Variants in PCNX2 observed in about 807,000 individuals in gnomAD.
PCNX2 encodes pecanex-like protein 2.
A neutral mutation model predicts 223.8 loss-of-function variants in PCNX2; 168 were observed. The observed-to-expected ratio is 0.75, with a 90% CI of 0.66 to 0.85. The LOEUF (loss-of-function observed/expected upper bound fraction) is 0.85, where lower values mean the gene tolerates loss of function less well. Ranked by LOEUF, PCNX2 falls within the 40% of genes least tolerant of loss-of-function variation. The pLI, the probability that PCNX2 is intolerant of heterozygous loss-of-function variation, is 0.00. For missense variants in PCNX2, 2,507 were observed against 2,675.5 expected (o/e 0.94, Z 1.39); for synonymous variants, 1,006 against 1,052.6 (o/e 0.96, Z 0.86).
intron 17 of PCNX2, among the ~76,000 whole-genome samples, chr1:233,170,545 C>A (rs907271397): frequency 6.6e-6 from 1 of 152,088 alleles, no homozygotes; most frequent in African/African-American, 2.4e-5. Flanking sequence ...ACACTAGTCT[C>A]TTTTCTGTAA....
In PCNX2 at chr1:232,984,059, C is replaced by CT. The variant is rs534086105; in HGVS notation, c.*244dup. On this transcript the variant is annotated 3_prime_UTR_variant, in exon 34 of 34. Transcript: ENST00000258229. ...GAGGTGTGGTGTGGCTTCTTTGTTG[C>CT]TTTTTTTTGTTTCCCCATCATGTGA... 7.3e-4 allele frequency: 258 copies of CT among 353,984 alleles called. 3 individuals are homozygous for CT. The South Asian group carries it at 0.011, about 15-fold the overall frequency. 21.9% of individuals were successfully genotyped at this position (353,984 alleles called of 1,614,324 possible). A position where few individuals can be genotyped will look rare whatever the true frequency, so the allele number is the denominator to read the frequency against.
At chr1:233,100,821 C>T (rs577426468) in intron 21 of PCNX2, among the ~76,000 whole-genome samples, 4 of 152,332 alleles carry the variant, frequency 2.6e-5, no homozygotes, top group African/African-American at 9.6e-5. Context: ...CACTCATCAC[C>T]TTTTCGCCTA....
chr1:233,201,227 A>G (rs1681094800), intron 13 of PCNX2, among the ~76,000 whole-genome samples: 1 of 151,922 alleles, frequency 6.6e-6, no homozygotes, highest in African/African-American at 2.4e-5. Context: ...ATCTATAATA[A>G]TAGGGGCTGT....
intron 17 of PCNX2, among the ~76,000 whole-genome samples, chr1:233,161,818 G>A (rs998253889): frequency 5.9e-5 from 9 of 151,966 alleles, no homozygotes; most frequent in Non-Finnish European, 1.3e-4. Context: ...GGGTGTCTTG[G>A]ATTTTAACAT....
intron 17 of PCNX2, chr1:233,167,619 A>T: frequency 1.7e-6 from 1 of 572,492 alleles, no homozygotes; most frequent in Non-Finnish European, 2.2e-6. Context: ...ATGTTAACTT[A>T]CTTCACTATA....
At chr1:233,117,683 C>G (rs976215132) in intron 21 of PCNX2, among the ~76,000 whole-genome samples, 6 of 150,176 alleles carry the variant, frequency 4.0e-5, no homozygotes. Context: ...AAATTCTTAA[C>G]AAGATATTAA....
intron 17 of PCNX2, among the ~76,000 whole-genome samples, chr1:233,175,393 C>T (rs12035465): frequency 0.078 from 11,947 of 152,236 alleles, 682 homozygotes; most frequent in East Asian, 0.31. Flanking sequence ...TCTAATTATA[C>T]CAATGAAATA....
chr1:233,071,915 T>C (rs896566576), intron 23 of PCNX2, among the ~76,000 whole-genome samples: 3 of 152,252 alleles, frequency 2.0e-5, no homozygotes, highest in African/African-American at 7.2e-5. Context: ...AGCATTTCTT[T>C]TATCATACGC....
intron 22 of PCNX2, among the ~76,000 whole-genome samples, chr1:233,094,014 G>A (rs997054968): frequency 2.6e-5 from 4 of 152,246 alleles, no homozygotes; most frequent in East Asian, 1.9e-4. Flanking sequence ...CCCTCAACAC[G>A]AATATAGGGC....
At chr1:233,247,811 G>A (rs1443588951) in intron 8 of PCNX2, among the ~76,000 whole-genome samples, 2 of 149,494 alleles carry the variant, frequency 1.3e-5, no homozygotes, top group East Asian at 2.0e-4. Context: ...CTGGAAGGCA[G>A]AGGTTGCAGT....
intron 21 of PCNX2, among the ~76,000 whole-genome samples, chr1:233,129,611 T>C (rs776102864): frequency 6.6e-6 from 1 of 152,164 alleles, no homozygotes; most frequent in African/African-American, 2.4e-5. Context: ...GGAGAACCTT[T>C]ATGTCTAGTT....
In PCNX2 at chr1:233,208,573, A is replaced by G. The variant is rs1319910092; in HGVS notation, c.2808T>C (p.Tyr936=). The part of the protein sequence containing the change: ...KARHPPSYVV[Y]GLKLFSPVFL... ...ACACTGGAGAGAAGAGCTTCAGGCC[A>G]TACACAACGTAACTGGGAGGGTGCC... The change falls in exon 13 of 34, where the codon TAT becomes TAC. Residue 936 remains tyrosine (Y), a synonymous_variant. Coordinates refer to ENST00000258229, the MANE Select transcript of PCNX2 (RefSeq NM_014801.4). 2 of 1,613,788 alleles carry G rather than the reference A, an allele frequency of 1.2e-6. No individual in the cohort carries two copies. The highest frequency in any genetic ancestry group is 2.7e-5 in the African/African-American group (2 of 74,900).
At chr1:233,284,862 C>T (rs6679970) in intron 1 of PCNX2, among the ~76,000 whole-genome samples, 2,257 of 152,026 alleles carry the variant, frequency 0.015, 70 homozygotes, top group African/African-American at 0.051. Flanking sequence ...CACAGCATGA[C>T]ACCCACTCAG....
At chr1:233,105,291 A>G (rs532972507) in intron 21 of PCNX2, among the ~76,000 whole-genome samples, 1 of 152,298 alleles carries the variant, frequency 6.6e-6, no homozygotes, top group African/African-American at 2.4e-5. Flanking sequence ...AGAAAGTAAA[A>G]AAGAAAAACT....
chr1:233,106,807 T>C (rs957584444), intron 21 of PCNX2, among the ~76,000 whole-genome samples: 5 of 152,196 alleles, frequency 3.3e-5, no homozygotes, highest in African/African-American at 9.7e-5. Context: ...CAACTTTTTG[T>C]AATGCCCTCC....
In PCNX2 at chr1:232,991,644, C is replaced by T. The variant is rs1398493643; in HGVS notation, c.5792-5104G>A. On this transcript the variant is annotated intron_variant, in intron 32 of 33. Transcript: ENST00000258229. The surrounding 1 kb of genome is among the most constrained non-coding windows in gnomAD (Gnocchi z 4.3). Reference sequence around the variant, plus strand: ...GACCAGTGTCCTTATAAAAAGGGGACGTGTGGACACAGAGAAGTACAGGGA... The same window carrying T: ...GACCAGTGTCCTTATAAAAAGGGGATGTGTGGACACAGAGAAGTACAGGGA... 2.0e-5 allele frequency among the ~76,000 whole-genome samples: 3 copies of T among 152,004 alleles called. No homozygotes were observed. Among genetic ancestry groups the T allele is most frequent in the African/African-American group, 7.3e-5 (3 of 41,366 alleles).
At chr1:233,211,651 A>T in intron 12 of PCNX2, 1 of 408,300 alleles carries the variant, frequency 2.4e-6, no homozygotes, top group Non-Finnish European at 3.3e-6. Flanking sequence ...AACAGAAAAC[A>T]GCATGGCAGA....
At chr1:233,248,010 G>C (rs1659225928) in intron 8 of PCNX2, among the ~76,000 whole-genome samples, 1 of 152,104 alleles carries the variant, frequency 6.6e-6, no homozygotes, top group African/African-American at 2.4e-5. Context: ...CCCAGAAGTT[G>C]CTATCTGAGA....
chr1:233,102,814 T>C (rs1438307141), intron 21 of PCNX2, among the ~76,000 whole-genome samples: 1 of 152,132 alleles, frequency 6.6e-6, no homozygotes, highest in Non-Finnish European at 1.5e-5. Flanking sequence ...TTTTGTGGGG[T>C]TGTCTCTTCA....
Sources: gnomAD v4.1 joint callset for allele counts (sites outside exome capture counted in the v4.1 genomes callset) on GRCh38, gnomAD v4.1.1 for gene constraint, Gnocchi (gnomAD v3.1) non-coding constraint, MANE v1.5 for transcripts, NCBI Gene and HGNC (gene_info 2026-07-23, HGNC 2026-07-21) for gene names.